Variants in NRXN1 observed in about 807,000 individuals in gnomAD.
The protein encoded by NRXN1 is neurexin-1.
Under a neutral mutation model 150.9 loss-of-function variants are expected in NRXN1, and 39 were observed. The ratio of observed to expected loss-of-function variants is 0.26; its 90% CI spans 0.20 to 0.34. The LOEUF is 0.34. Ranked by LOEUF, NRXN1 falls within the 10% of genes least tolerant of loss-of-function variation. The probability of loss-of-function intolerance (pLI) is 1.00; values close to 1 mark genes in which losing one functional copy is unlikely to be tolerated. For missense variants in NRXN1, 1,815 were observed against 1,949.9 expected, an observed-to-expected ratio of 0.93 and a Z score of 1.30; for synonymous variants, 924 against 757.0, an observed-to-expected ratio of 1.22 and a Z score of -3.62.
chr2:50,382,057 G>A (rs1350325447), intron 17 of NRXN1, among the ~76,000 whole-genome samples: 1 of 152,122 alleles, frequency 6.6e-6, no homozygotes, highest in Non-Finnish European at 1.5e-5. Context: ...GTAGAGCAGA[G>A]AGAGTTGCTC....
chr2:50,552,232 C>T (rs1207659123), intron 9 of NRXN1, among the ~76,000 whole-genome samples: 2 of 152,038 alleles, frequency 1.3e-5, no homozygotes, highest in African/African-American at 2.4e-5. Context: ...CTTCGGGTAC[C>T]TCCAAACATC....
chr2:50,650,173 T>C (rs982834783), intron 5 of NRXN1, among the ~76,000 whole-genome samples: 1 of 152,000 alleles, frequency 6.6e-6, no homozygotes, highest in Non-Finnish European at 1.5e-5. Flanking sequence ...TAACCTCTGG[T>C]GAGGTAGTTA....
At chr2:50,605,452 C>A (rs1053041219) in intron 8 of NRXN1, among the ~76,000 whole-genome samples, 1 of 151,974 alleles carries the variant, frequency 6.6e-6, no homozygotes, top group Non-Finnish European at 1.5e-5. Flanking sequence ...CAACAATAAC[C>A]CAATTAAAAA....
chr2:50,318,395 A>G (rs1313638260), intron 17 of NRXN1, among the ~76,000 whole-genome samples: 2 of 152,124 alleles, frequency 1.3e-5, no homozygotes, highest in Admixed American at 6.6e-5. Flanking sequence ...TTACATGTGC[A>G]TCCTGTATGC....
At chr2:50,231,498 C>G (rs1425298389) in intron 18 of NRXN1, among the ~76,000 whole-genome samples, 2 of 152,012 alleles carry the variant, frequency 1.3e-5, no homozygotes, top group Non-Finnish European at 2.9e-5. Context: ...ATTTCTAAAT[C>G]AAAATCAATT....
intron 5 of NRXN1, among the ~76,000 whole-genome samples, chr2:50,717,216 G>A (rs541018876): frequency 6.6e-6 from 1 of 152,106 alleles, no homozygotes; most frequent in South Asian, 2.1e-4. Context: ...AAATATTATT[G>A]GATTAAATGA....
chr2:50,333,345 T>C (rs1287050704), intron 17 of NRXN1, among the ~76,000 whole-genome samples: 1 of 152,142 alleles, frequency 6.6e-6, no homozygotes, highest in African/African-American at 2.4e-5. Flanking sequence ...CTTCCATATT[T>C]AATTTACAGG....
At chr2:50,544,337 G>T (rs2093449298) in intron 9 of NRXN1, among the ~76,000 whole-genome samples, 1 of 151,636 alleles carries the variant, frequency 6.6e-6, no homozygotes, top group Non-Finnish European at 1.5e-5. Flanking sequence ...ATTAAGAGTG[G>T]GTATTTGGTG....
intron 5 of NRXN1, among the ~76,000 whole-genome samples, chr2:50,900,726 G>A (rs1164905592): frequency 6.6e-6 from 1 of 152,158 alleles, no homozygotes; most frequent in Non-Finnish European, 1.5e-5. Context: ...ACATTTCTGA[G>A]CAACGGCATT....
chr2:50,943,918 A>C lies in NRXN1; in HGVS notation c.773-17963T>G, dbSNP rs143863679. 2.8e-3 allele frequency among the ~76,000 whole-genome samples: 428 copies of C among 152,244 alleles called. 2 individuals carry two copies. Among genetic ancestry groups the C allele is most frequent in the African/African-American group, 9.5e-3 (396 of 41,536 alleles). ...CCTTACAACATTTACTTAAGAAGCA[A>C]ATATTATTTTTGGAAGACCCTGGCA... On this transcript the variant is annotated intron_variant, in intron 2 of 22. Coordinates refer to ENST00000401669, the MANE Select transcript of NRXN1 (RefSeq NM_001330078.2).
chr2:50,725,574 A>AC (rs1217918914), intron 5 of NRXN1, among the ~76,000 whole-genome samples: 1 of 152,154 alleles, frequency 6.6e-6, no homozygotes, highest in Non-Finnish European at 1.5e-5. Flanking sequence ...TAACTGGGTA[A>AC]TTTTTCCAGC....
chr2:50,515,634 T>TGTGTGTGC (rs1431324740), intron 12 of NRXN1, among the ~76,000 whole-genome samples: 11 of 152,008 alleles, frequency 7.2e-5, no homozygotes, highest in Non-Finnish European at 1.3e-4. Flanking sequence ...TGTGTGTGTG[T>TGTGTGTGC]GTGTGTGTCT....
intron 6 of NRXN1, among the ~76,000 whole-genome samples, chr2:50,623,039 C>A (rs1680321460): frequency 6.6e-6 from 1 of 152,122 alleles, no homozygotes; most frequent in South Asian, 2.1e-4. Context: ...AACAAAATCA[C>A]ACACATCACA....
chr2:50,498,727 A>G (rs2091782478), intron 13 of NRXN1, among the ~76,000 whole-genome samples: 1 of 152,224 alleles, frequency 6.6e-6, no homozygotes, highest in African/African-American at 2.4e-5. Context: ...ATTAAAACAC[A>G]ACATAAATAT....
At chr2:49,964,724 C>G (rs1337247986) in intron 21 of NRXN1, among the ~76,000 whole-genome samples, 1 of 151,822 alleles carries the variant, frequency 6.6e-6, no homozygotes, top group Non-Finnish European at 1.5e-5. Context: ...ACCTGTAATC[C>G]CAGCTACTAG....
intron 18 of NRXN1, among the ~76,000 whole-genome samples, chr2:50,219,965 ATATAT>A (rs2063728109): frequency 1.8e-5 from 1 of 56,798 alleles, no homozygotes; most frequent in Non-Finnish European, 3.1e-5. Flanking sequence ...TATATATATT[ATATAT>A]ATATAATATA....
intron 17 of NRXN1, among the ~76,000 whole-genome samples, chr2:50,424,453 G>C (rs928568270): frequency 6.6e-6 from 1 of 151,970 alleles, no homozygotes; most frequent in Non-Finnish European, 1.5e-5. Context: ...TGAGGACTGG[G>C]AGACACTCTG....
intron 5 of NRXN1, among the ~76,000 whole-genome samples, chr2:50,781,037 C>G (rs1307329225): frequency 6.6e-6 from 1 of 152,122 alleles, no homozygotes; most frequent in East Asian, 1.9e-4. Context: ...CACAAAATTC[C>G]AGAATCCTAG....
At chr2:50,382,769 G>A (rs550807494) in intron 17 of NRXN1, among the ~76,000 whole-genome samples, 82 of 152,110 alleles carry the variant, frequency 5.4e-4, no homozygotes, top group Non-Finnish European at 8.2e-4. Context: ...ATTAGCGAGT[G>A]GGAAGACAGA....
Sources: allele counts gnomAD v4.1 joint callset (sites outside exome capture counted in the v4.1 genomes callset), GRCh38; gene constraint gnomAD v4.1.1; transcripts MANE v1.5; gene names NCBI Gene and HGNC (gene_info 2026-07-23, HGNC 2026-07-21).